MYO10: variants seen among roughly 807,000 people sequenced by gnomAD.
MYO10 encodes unconventional myosin-X.
In MYO10, 133 loss-of-function variants were observed where a neutral mutation model predicts 257.3. That is an observed-to-expected ratio of 0.52 (90% CI 0.45 to 0.60). The LOEUF is 0.60. Among genes scored for constraint, MYO10 ranks in the 20% least tolerant of loss-of-function variants. MYO10 has a pLI of 0.00. For missense variants in MYO10, 2,399 were observed against 2,635.7 expected (o/e 0.91, Z 1.97); for synonymous variants, 1,104 against 1,028.6 (o/e 1.07, Z -1.40).
chr5:16,819,536 T>C (rs139927778), intron 2 of MYO10, among the ~76,000 whole-genome samples: 51 of 151,738 alleles, frequency 3.4e-4, no homozygotes, highest in East Asian at 9.7e-4. Flanking sequence ...CTCCTTTAAG[T>C]AAAATAAAAA....
At chr5:16,695,402 T>C (rs1035136301) in intron 26 of MYO10, among the ~76,000 whole-genome samples, 3 of 152,188 alleles carry the variant, frequency 2.0e-5, no homozygotes, top group Admixed American at 6.5e-5. Flanking sequence ...TTATCAGTGA[T>C]TCCAGGGTTG....
At chr5:16,767,193 CAG>C in intron 10 of MYO10, among the ~76,000 whole-genome samples, 1 of 138,260 alleles carries the variant, frequency 7.2e-6, no homozygotes, top group East Asian at 2.2e-4. Flanking sequence ...TTTTTTGAGA[CAG>C]AGTCTTGCTT....
At chr5:16,849,643 C>T (rs1372126713) in intron 2 of MYO10, among the ~76,000 whole-genome samples, 3 of 152,076 alleles carry the variant, frequency 2.0e-5, no homozygotes, top group Non-Finnish European at 4.4e-5. Context: ...AGTTAAACAT[C>T]GGGCCAAAGA....
intron 2 of MYO10, among the ~76,000 whole-genome samples, chr5:16,874,107 G>A (rs1365946727): frequency 2.6e-5 from 4 of 152,188 alleles, no homozygotes; most frequent in East Asian, 3.9e-4. Flanking sequence ...GGCCAACGTG[G>A]GTGGATCACA....
At chr5:16,758,730 G>GA (rs1740606961) in intron 17 of MYO10, among the ~76,000 whole-genome samples, 1 of 152,118 alleles carries the variant, frequency 6.6e-6, no homozygotes, top group Non-Finnish European at 1.5e-5. Flanking sequence ...CTAAGCCTCA[G>GA]TTTTTTCATC....
At chr5:16,912,295 G>T (rs1745679618) in intron 1 of MYO10, among the ~76,000 whole-genome samples, 1 of 152,062 alleles carries the variant, frequency 6.6e-6, no homozygotes, top group African/African-American at 2.4e-5. Flanking sequence ...AGAAATCTAG[G>T]TTTCTGATCT....
intron 26 of MYO10, among the ~76,000 whole-genome samples, chr5:16,698,568 A>C (rs1350806203): frequency 6.6e-6 from 1 of 150,710 alleles, no homozygotes; most frequent in African/African-American, 2.4e-5. Flanking sequence ...ACTTTCCCCC[A>C]TGTCTAGCAC....
intron 9 of MYO10, among the ~76,000 whole-genome samples, chr5:16,771,547 T>TTTATTA (rs201265648): frequency 0.012 from 1,666 of 136,880 alleles, 16 homozygotes; most frequent in Middle Eastern, 0.022. Context: ...ACTATTATGA[T>TTTATTA]TTATTATTAT....
At chr5:16,876,291 T>G (rs1317651703) in intron 2 of MYO10, among the ~76,000 whole-genome samples, 6 of 152,182 alleles carry the variant, frequency 3.9e-5, no homozygotes, top group Non-Finnish European at 8.8e-5. Context: ...TCTCTTATAA[T>G]CATCAGAATA....
chr5:16,804,671 G>C (rs1416931809), intron 3 of MYO10, among the ~76,000 whole-genome samples: 2 of 152,028 alleles, frequency 1.3e-5, no homozygotes, highest in Non-Finnish European at 2.9e-5. Flanking sequence ...TCAGGAGTTC[G>C]AGACCAGCCA....
intron 1 of MYO10, among the ~76,000 whole-genome samples, chr5:16,913,431 T>C (rs1745728617): frequency 6.6e-6 from 1 of 152,242 alleles, no homozygotes. Context: ...TATACGTGTA[T>C]GGCTGTCTAA....
At chr5:16,783,213 A>T in intron 5 of MYO10, 122 bp downstream of exon 5, 1 of 1,001,494 alleles carries the variant, frequency 1.0e-6, no homozygotes, top group Non-Finnish European at 1.4e-6. Context: ...TTCTTAAGGA[A>T]TTGTAAAAGA....
intron 2 of MYO10, among the ~76,000 whole-genome samples, chr5:16,859,371 T>C (rs939003887): frequency 2.0e-5 from 3 of 152,088 alleles, no homozygotes; most frequent in Non-Finnish European, 4.4e-5. Flanking sequence ...CTAACTCCAT[T>C]CATGAGGGGC....
chr5:16,893,948 C>G (rs1745150173), intron 1 of MYO10, among the ~76,000 whole-genome samples: 1 of 152,130 alleles, frequency 6.6e-6, no homozygotes, highest in Non-Finnish European at 1.5e-5. Context: ...GACAAGCCAG[C>G]CAGGCAGTGG....
At chr5:16,814,197 C>T (rs1742528759) in intron 3 of MYO10, among the ~76,000 whole-genome samples, 1 of 152,176 alleles carries the variant, frequency 6.6e-6, no homozygotes, top group Non-Finnish European at 1.5e-5. Flanking sequence ...GGCTGGAGGG[C>T]AGTGCGCGAT....
rs964096447 is a variant in MYO10, at chr5:16,877,823, A to G, written c.22-116T>C. 1.8e-5 allele frequency: 14 copies of G among 762,200 alleles called. No homozygotes were observed. In the African/African-American group the frequency reaches 2.3e-4, roughly 12 times the overall value. 47.2% of individuals were successfully genotyped at this position (762,200 alleles called of 1,614,324 possible). On this transcript the variant is annotated intron_variant, in intron 1 of 40. Transcript: ENST00000513610. Reference sequence around the variant, plus strand: ...TTTAAAAAAAATCTTCTTGAAAAGTAAATGTCTTTCTCAAGCAAAGAACAA... The same window carrying G: ...TTTAAAAAAAATCTTCTTGAAAAGTGAATGTCTTTCTCAAGCAAAGAACAA...
At position 16,824,512 on chromosome 5, in the gene MYO10, G is replaced by C. The variant is rs567920885; in HGVS notation, c.121-6345C>G. Among the ~76,000 whole-genome samples the C allele has an allele frequency of 5.9e-5, 9 of 152,256 alleles. No homozygotes were observed. The East Asian group carries it at 1.7e-3, about 29-fold the overall frequency. ...TGCCAAACAACCAGATGTCTACCCAGACACTAAGTAAAAATGATGACAATA... is the reference window on the plus strand; with the variant it reads ...TGCCAAACAACCAGATGTCTACCCACACACTAAGTAAAAATGATGACAATA... On this transcript the variant is annotated intron_variant, in intron 2 of 40. Transcript: ENST00000513610.
chr5:16,718,475 A>G (rs1304586975), intron 19 of MYO10, among the ~76,000 whole-genome samples: 3 of 152,210 alleles, frequency 2.0e-5, no homozygotes, highest in South Asian at 2.1e-4. Context: ...AAATACACCA[A>G]TCAGCACCCT....
intron 2 of MYO10, among the ~76,000 whole-genome samples, chr5:16,866,922 C>T (rs748361700): frequency 1.3e-5 from 2 of 152,196 alleles, no homozygotes; most frequent in East Asian, 1.9e-4. Context: ...GCTGCCCTCC[C>T]GGACCCCAGG....
Sources: gnomAD v4.1 joint callset for allele counts (sites outside exome capture counted in the v4.1 genomes callset) on GRCh38, gnomAD v4.1.1 for gene constraint, MANE v1.5 for transcripts, NCBI Gene and HGNC (gene_info 2026-07-23, HGNC 2026-07-21) for gene names.